Variants in IFFO2 observed in about 807,000 individuals in gnomAD.
IFFO2 encodes the protein intermediate filament family orphan 2.
A neutral mutation model predicts 53.5 loss-of-function variants in IFFO2; 19 were observed. That is an observed-to-expected ratio of 0.36 (90% confidence interval 0.25 to 0.52). The LOEUF (loss-of-function observed/expected upper bound fraction) is 0.52, where lower values mean the gene tolerates loss of function less well. IFFO2 is among the 20% of genes least tolerant of loss of function. The pLI is 0.94. For synonymous variants in IFFO2, 303 were observed against 313.6 expected, an observed-to-expected ratio of 0.97 and a Z score of 0.36; for missense variants, 570 against 727.4, an observed-to-expected ratio of 0.78 and a Z score of 2.49.
chr1:18,949,982 T>C (rs1443074820), intron 1 of IFFO2, among the ~76,000 whole-genome samples: 1 of 152,228 alleles, frequency 6.6e-6, no homozygotes, highest in African/African-American at 2.4e-5. Flanking sequence ...AGCTTGAGGC[T>C]CTGAGAATCG....
At chr1:18,937,257 C>T (rs992930504) in intron 1 of IFFO2, among the ~76,000 whole-genome samples, 3 of 152,204 alleles carry the variant, frequency 2.0e-5, no homozygotes, top group Non-Finnish European at 2.9e-5. Flanking sequence ...GCAACGGTCA[C>T]CTGTCTGTGC....
intron 2 of IFFO2, 75 bp downstream of exon 2, chr1:18,920,986 G>T: frequency 7.5e-7 from 1 of 1,325,896 alleles, no homozygotes; most frequent in Non-Finnish European, 1.1e-6. Context: ...TGGCTTTGCC[G>T]CATGAAGACT....
At chr1:18,909,069 TG>T (rs1393950872) in intron 8 of IFFO2, among the ~76,000 whole-genome samples, 1 of 151,724 alleles carries the variant, frequency 6.6e-6, no homozygotes, top group African/African-American at 2.4e-5. Context: ...TCGGATGAGC[TG>T]GGGGTGGGGG....
chr1:18,945,806 G>A (rs1246351887), intron 1 of IFFO2, among the ~76,000 whole-genome samples: 1 of 152,234 alleles, frequency 6.6e-6, no homozygotes, highest in East Asian at 1.9e-4. Flanking sequence ...TTTTGCCACA[G>A]CAGCCAGAAT....
chr1:18,946,664 G>A (rs1487365808), intron 1 of IFFO2, among the ~76,000 whole-genome samples: 1 of 151,662 alleles, frequency 6.6e-6, no homozygotes, highest in Non-Finnish European at 1.5e-5. Context: ...TGATCTACCC[G>A]CCTCGGCCTC....
intron 1 of IFFO2, among the ~76,000 whole-genome samples, chr1:18,925,450 C>A (rs971959271): frequency 6.6e-6 from 1 of 152,230 alleles, no homozygotes; most frequent in Admixed American, 6.5e-5. Context: ...AGTCCCGTGA[C>A]GCCAGGGCCA....
chr1:18,942,840 CTTT>C (rs35473539), intron 1 of IFFO2, among the ~76,000 whole-genome samples: 1 of 135,188 alleles, frequency 7.4e-6, no homozygotes, highest in Non-Finnish European at 1.6e-5. Context: ...TATATTATTT[CTTT>C]TTTTTTTTTT....
intron 1 of IFFO2, among the ~76,000 whole-genome samples, chr1:18,934,804 G>A (rs1259690766): frequency 1.3e-5 from 2 of 152,200 alleles, no homozygotes; most frequent in African/African-American, 4.8e-5. Context: ...ATATACGGCA[G>A]CATCCTCCCG....
Position 18,910,375 on chromosome 1 carries a change from G to A in IFFO2, c.1415C>T (p.Thr472Ile). The change falls in exon 8 of 9, where the codon ACC becomes ATC. Residue 472 changes from threonine (T) to isoleucine (I), a missense_variant. Physicochemically the swap from Thr to Ile is moderately conservative, Grantham distance 89 (BLOSUM62 -1). Transcript: ENST00000455833. Reference sequence around the variant, plus strand: ...GGAGCCTTTGATGAGCCGGCGGCAGGTCTCCATCTGCACGTCCAGGCCTCG... The same window carrying A: ...GGAGCCTTTGATGAGCCGGCGGCAGATCTCCATCTGCACGTCCAGGCCTCG... ...MKRGLDVQME[T>I]CRRLIKGSAD... 6.2e-7 allele frequency: 1 copy of A among 1,613,502 alleles called. No homozygotes were observed. The highest frequency in any genetic ancestry group is 8.5e-7 in the Non-Finnish European group (1 of 1,179,700).
At chr1:18,923,689 A>G (rs1262483031) in intron 1 of IFFO2, among the ~76,000 whole-genome samples, 1 of 152,184 alleles carries the variant, frequency 6.6e-6, no homozygotes, top group East Asian at 1.9e-4. Flanking sequence ...CTGGGACTCA[A>G]AGCTAGTCCA....
intron 1 of IFFO2, among the ~76,000 whole-genome samples, chr1:18,930,503 C>T (rs1014435473): frequency 1.3e-5 from 2 of 152,200 alleles, no homozygotes; most frequent in Admixed American, 6.5e-5. Flanking sequence ...GCCACAGAAC[C>T]CCCGTCAGCA....
rs561029749 is a variant in IFFO2, at chr1:18,919,163, C to T, written c.822+515G>A. On this transcript the variant is annotated intron_variant, in intron 3 of 8. Coordinates refer to ENST00000455833, the MANE Select transcript of IFFO2 (RefSeq NM_001136265.2). The surrounding 1 kb of genome is among the most constrained non-coding windows in gnomAD (Gnocchi z 4.9). ...GTCCCCAGCAGCAAGGAGCCCTTTGCTGCCAACAGCTCCCCCCACCCACAG... is the reference window on the plus strand; with the variant it reads ...GTCCCCAGCAGCAAGGAGCCCTTTGTTGCCAACAGCTCCCCCCACCCACAG... Among the ~76,000 whole-genome samples the T allele has an allele frequency of 5.9e-5, 9 of 152,292 alleles. No individual in the cohort carries two copies. The East Asian group carries it at 1.4e-3, about 23-fold the overall frequency.
intron 1 of IFFO2, among the ~76,000 whole-genome samples, chr1:18,953,947 A>G (rs576516319): frequency 2.6e-5 from 4 of 152,304 alleles, no homozygotes; most frequent in South Asian, 2.1e-4. Flanking sequence ...AACACAATCA[A>G]CAGTGGCAGA....
At chr1:18,923,739 C>A (rs893767536) in intron 1 of IFFO2, among the ~76,000 whole-genome samples, 2 of 152,166 alleles carry the variant, frequency 1.3e-5, no homozygotes, top group African/African-American at 4.8e-5. Context: ...ATGTGCATAC[C>A]AATCACCTGG....
intron 1 of IFFO2, among the ~76,000 whole-genome samples, chr1:18,951,450 G>C (rs893794455): frequency 6.6e-6 from 1 of 152,188 alleles, no homozygotes; most frequent in Non-Finnish European, 1.5e-5. Flanking sequence ...CCACTCGCAC[G>C]GGAGGGAACC....
intron 8 of IFFO2, among the ~76,000 whole-genome samples, chr1:18,910,075 C>T (rs967287188): frequency 2.0e-5 from 3 of 152,214 alleles, no homozygotes; most frequent in Admixed American, 6.5e-5. Context: ...CCGTCTTGCA[C>T]AGAGCAGGCC....
intron 1 of IFFO2, among the ~76,000 whole-genome samples, chr1:18,953,516 C>T (rs546104905): frequency 2.4e-4 from 37 of 152,164 alleles, no homozygotes. Context: ...TTCAAGGAAA[C>T]CCTAAAGCAT....
At position 18,956,621 on chromosome 1, in the gene IFFO2, A is replaced by C. The variant is rs1225140641; in HGVS notation, c.-289T>G. ...CGCGGGTCTCACCGCCCGGGCTGTCAGAGACGCTGTGGAGGGGCCGCGGCA... is the reference window on the plus strand; with the variant it reads ...CGCGGGTCTCACCGCCCGGGCTGTCCGAGACGCTGTGGAGGGGCCGCGGCA... On this transcript the variant is annotated 5_prime_UTR_variant, in exon 1 of 9. Coordinates refer to ENST00000455833, the MANE Select transcript of IFFO2 (RefSeq NM_001136265.2). This position sits in a 1 kb window ranked among gnomAD's most constrained non-coding sequence, Gnocchi z 6.4. 6.5e-6 allele frequency: 1 copy of C among 153,096 alleles called. No individual in the cohort carries two copies. Among genetic ancestry groups the C allele is most frequent in the East Asian group, 1.9e-4 (1 of 5,210 alleles). 9.5% of individuals were successfully genotyped at this position (153,096 alleles called of 1,614,324 possible).
In IFFO2 at chr1:18,947,880, C is replaced by T. The variant is rs1369478835; in HGVS notation, c.665+7788G>A. ...ATTGTGACAGGTGCTGGGGAGACCC[C>T]GTGCCTCCTGCCTGCCTCCTCACCC... On this transcript the variant is annotated intron_variant, in intron 1 of 8. Transcript: ENST00000455833. This position sits in a 1 kb window ranked among gnomAD's most constrained non-coding sequence, Gnocchi z 5.0. 6.6e-6 allele frequency among the ~76,000 whole-genome samples: 1 copy of T among 152,230 alleles called. No individual in the cohort carries two copies. Among genetic ancestry groups the T allele is most frequent in the Non-Finnish European group, 1.5e-5 (1 of 68,046 alleles).
Sources: gnomAD v4.1 joint callset for allele counts (sites outside exome capture counted in the v4.1 genomes callset) on GRCh38, gnomAD v4.1.1 for gene constraint, Gnocchi (gnomAD v3.1) non-coding constraint, MANE v1.5 for transcripts, NCBI Gene and HGNC (gene_info 2026-07-23, HGNC 2026-07-21) for gene names.